TNIP3: variants seen among roughly 807,000 people sequenced by gnomAD.
TNIP3 encodes the protein TNFAIP3-interacting protein 3.
In TNIP3, 34 loss-of-function variants were observed where a neutral mutation model predicts 54.1. The observed-to-expected ratio is 0.63, with a 90% CI of 0.48 to 0.84. The LOEUF is 0.84. TNIP3 is among the 40% of genes least tolerant of loss of function. The probability of loss-of-function intolerance (pLI) is 0.00; values close to 1 mark genes in which losing one functional copy is unlikely to be tolerated. For missense variants in TNIP3, 366 were observed against 387.6 expected, an observed-to-expected ratio of 0.94 and a Z score of 0.47; for synonymous variants, 134 against 136.8, an observed-to-expected ratio of 0.98 and a Z score of 0.14.
Position 121,207,245 on chromosome 4 carries a change from T to TA in TNIP3, c.68+9169dup, listed in dbSNP as rs552301587. On this transcript the variant is annotated intron_variant, in intron 2 of 12. Coordinates refer to the TNIP3 transcript ENST00000507879. ...TACAGAAAAAAAGCCTCAAGATCAG[T>TA]AAAAAACAATGATCAATGACATATT... 1.6e-4 allele frequency among the ~76,000 whole-genome samples: 25 copies of TA among 152,078 alleles called. No homozygotes were observed. The South Asian group carries it at 4.6e-3, about 28-fold the overall frequency.
At chr4:121,223,697 G>A (rs58385037) in intron 1 of TNIP3, among the ~76,000 whole-genome samples, 11,424 of 152,180 alleles carry the variant, frequency 0.075, 936 homozygotes, top group African/African-American at 0.21. Context: ...CCAGAGCTGT[G>A]TCCTTGAACA....
chr4:121,148,470 C>T (rs988973337), intron 6 of TNIP3, among the ~76,000 whole-genome samples: 3 of 152,106 alleles, frequency 2.0e-5, no homozygotes, highest in Admixed American at 6.5e-5. Flanking sequence ...ACCTTATATG[C>T]GAGTTCCGAA....
In TNIP3 at chr4:121,173,270, G is replaced by T. The variant is rs111358914; in HGVS notation, c.190-9124C>A. ...AGTTTTATGGGAATTAAGCGTTTTT[G>T]AGGGATAGATATGAGGTGGCTTGAC... On this transcript the variant is annotated intron_variant, in intron 3 of 12. Transcript: ENST00000507879. Among the ~76,000 whole-genome samples, 663 of 152,306 alleles carry T rather than the reference G, an allele frequency of 4.4e-3. 4 individuals are homozygous for T. The highest frequency in any genetic ancestry group is 0.015 in the African/African-American group (635 of 41,568).
intron 1 of TNIP3, among the ~76,000 whole-genome samples, chr4:121,225,070 G>T (rs1727201346): frequency 6.6e-6 from 1 of 152,130 alleles, no homozygotes; most frequent in Non-Finnish European, 1.5e-5. Context: ...GCCTTCAAAT[G>T]TATTTTATTA....
chr4:121,172,811 T>C (rs1342473842), intron 3 of TNIP3, among the ~76,000 whole-genome samples: 1 of 152,234 alleles, frequency 6.6e-6, no homozygotes, highest in Non-Finnish European at 1.5e-5. Flanking sequence ...CTGAAGTGAC[T>C]GAAATTTTCT....
chr4:121,221,579 T>C (rs537470381), upstream of TNIP3, among the ~76,000 whole-genome samples: 4 of 152,334 alleles, frequency 2.6e-5, no homozygotes, highest in East Asian at 7.7e-4. Flanking sequence ...AAGATTCCTA[T>C]ACCCAACAGG....
chr4:121,160,332 A>T (rs1730369967), intron 2 of TNIP3, among the ~76,000 whole-genome samples: 1 of 152,140 alleles, frequency 6.6e-6, no homozygotes, highest in Admixed American at 6.5e-5. Flanking sequence ...TACAAATATT[A>T]GCTGGGCATG....
chr4:121,178,874 A>T lies in TNIP3; in HGVS notation c.189+3802T>A, dbSNP rs558349297. Among the ~76,000 whole-genome samples, 3 of 152,324 alleles carry T rather than the reference A, an allele frequency of 2.0e-5. No homozygotes were observed. The South Asian group carries it at 6.2e-4, about 32-fold the overall frequency. ...TTTATACCCCATCCTCAAGAAATCC[A>T]TGAGTCTCTCATAATCCATATGAGA... is the stretch of plus-strand genomic sequence containing the variant. On this transcript the variant is annotated intron_variant, in intron 3 of 12. Transcript: ENST00000507879.
rs180733308 is a variant in TNIP3, at chr4:121,156,071, T to C, written c.363+1023A>G. The stretch of plus-strand genomic sequence containing the variant: ...GAGTGTAATTGGAAAAGGAAATGAC[T>C]GCTACATGGCAGAAAGGGAGTGTTG... On this transcript the variant is annotated intron_variant, in intron 4 of 10. Coordinates refer to ENST00000057513, the MANE Select transcript of TNIP3 (RefSeq NM_024873.6). 4.6e-4 allele frequency among the ~76,000 whole-genome samples: 70 copies of C among 152,308 alleles called. 1 individual carries two copies. The East Asian group carries it at 0.012, about 26-fold the overall frequency.
At chr4:121,210,859 C>T (rs28600934) in intron 2 of TNIP3, among the ~76,000 whole-genome samples, 6,599 of 152,074 alleles carry the variant, frequency 0.043, 468 homozygotes, top group African/African-American at 0.15. Flanking sequence ...GTTCAACATA[C>T]GAATTTAGGG....
chr4:121,176,374 T>C (rs1353945963), intron 3 of TNIP3, among the ~76,000 whole-genome samples: 1 of 152,180 alleles, frequency 6.6e-6, no homozygotes, highest in Non-Finnish European at 1.5e-5. Context: ...ACTTTTTTTT[T>C]TCTAGCAGAA....
At chr4:121,227,331 A>T in intron 1 of TNIP3, 2 of 1,515,602 alleles carry the variant, frequency 1.3e-6, no homozygotes, top group Admixed American at 4.0e-5. Context: ...GTTACAACCA[A>T]CCCTGGTAAG....
At chr4:121,161,000 A>G (rs1370647693) in intron 2 of TNIP3, 136 bp downstream of exon 2, 2 of 703,290 alleles carry the variant, frequency 2.8e-6, no homozygotes, top group East Asian at 5.6e-5. Context: ...TTTGCTTTCA[A>G]AATAGTGCAG....
chr4:121,203,214 G>GATATAGAT (rs1725988669), intron 2 of TNIP3, among the ~76,000 whole-genome samples: 1 of 111,926 alleles, frequency 8.9e-6, no homozygotes, highest in South Asian at 3.4e-4. Context: ...AAGAAAATGT[G>GATATAGAT]ATATAGATAG....
intron 2 of TNIP3, among the ~76,000 whole-genome samples, chr4:121,206,538 T>TTGTGTG (rs140121953): frequency 6.6e-6 from 1 of 151,472 alleles, no homozygotes; most frequent in Non-Finnish European, 1.5e-5. Context: ...TTTGTATATA[T>TTGTGTG]TGTGTGTGTG....
chr4:121,222,832 G>A (rs1237276542), intron 1 of TNIP3, among the ~76,000 whole-genome samples: 1 of 137,498 alleles, frequency 7.3e-6, no homozygotes, highest in Non-Finnish European at 1.5e-5. Flanking sequence ...TTGAGACGGA[G>A]TCTCGCTCTG....
At chr4:121,179,628 A>C (rs1724562898) in intron 3 of TNIP3, among the ~76,000 whole-genome samples, 1 of 152,224 alleles carries the variant, frequency 6.6e-6, no homozygotes, top group South Asian at 2.1e-4. Flanking sequence ...GTCCAAAGAT[A>C]TAATAAAGGC....
chr4:121,152,664 C>A (rs902930177), intron 5 of TNIP3, among the ~76,000 whole-genome samples: 2 of 152,122 alleles, frequency 1.3e-5, no homozygotes, highest in African/African-American at 4.8e-5. Context: ...AAATTCAGAA[C>A]CACATTATGA....
chr4:121,227,361 G>C, intron 1 of TNIP3: 1 of 1,533,742 alleles, frequency 6.5e-7, no homozygotes, highest in East Asian at 2.5e-5. Context: ...TGAAAGTAAA[G>C]GCACAAGACA....
Sources: allele counts gnomAD v4.1 joint callset (sites outside exome capture counted in the v4.1 genomes callset), GRCh38; gene constraint gnomAD v4.1.1; transcripts MANE v1.5; gene names NCBI Gene and HGNC (gene_info 2026-07-23, HGNC 2026-07-21).